The following TCHP variants were observed in gnomAD, a reference collection of about 807,000 sequenced individuals.
The protein encoded by TCHP is trichoplein keratin filament-binding protein.
TCHP carries 81 observed loss-of-function variants against 88.7 expected under a neutral mutation model. That is an observed-to-expected ratio of 0.91 (90% CI 0.76 to 1.10). TCHP has a LOEUF of 1.10. Among genes scored for constraint, TCHP ranks in the 50% least tolerant of loss-of-function variants. The pLI is 0.00. For synonymous variants in TCHP, 232 were observed against 232.5 expected (o/e 1.00, Z 0.02); for missense variants, 641 against 632.1 (o/e 1.01, Z -0.15).
the TCHP span, among the ~76,000 whole-genome samples, chr12:109,893,121 T>A: frequency 4.6e-5 from 7 of 152,322 alleles, no homozygotes; most frequent in South Asian, 8.3e-4. Context: ...GGCTCATGCC[T>A]GTAATCCCAG....
intron 8 of TCHP, among the ~76,000 whole-genome samples, chr12:109,910,178 GTTC>G (rs1362010384): frequency 6.6e-6 from 1 of 152,204 alleles, no homozygotes; most frequent in Non-Finnish European, 1.5e-5. Context: ...GATTGAACCT[GTTC>G]TTTTCAGATA....
chr12:109,887,195 G>T, the TCHP span, among the ~76,000 whole-genome samples: 4 of 152,154 alleles, frequency 2.6e-5, no homozygotes. Context: ...AGGCCAAGGT[G>T]GGTGGATCAC....
chr12:109,900,960 A>T (rs1869754855), intron 1 of TCHP: 1 of 152,282 alleles, frequency 6.6e-6, no homozygotes, highest in Non-Finnish European at 1.5e-5. Flanking sequence ...TGGTGCCTGG[A>T]GTGAGACTGC....
At chr12:109,886,380 G>A in the TCHP span, among the ~76,000 whole-genome samples, 1 of 151,564 alleles carries the variant, frequency 6.6e-6, no homozygotes, top group Non-Finnish European at 1.5e-5. Context: ...TCAGGTGATC[G>A]ACCCACCTCA....
At chr12:109,884,883 T>C in the TCHP span, among the ~76,000 whole-genome samples, 1 of 152,350 alleles carries the variant, frequency 6.6e-6, no homozygotes, top group East Asian at 1.9e-4. Context: ...CATCCATCCA[T>C]GCAGGAAATT....
intron 10 of TCHP, among the ~76,000 whole-genome samples, chr12:109,913,457 T>G (rs1431449820): frequency 6.6e-6 from 1 of 152,222 alleles, no homozygotes; most frequent in African/African-American, 2.4e-5. Flanking sequence ...CTGTCCTCTG[T>G]CACCCGCTGC....
At chr12:109,893,248 G>C in the TCHP span, among the ~76,000 whole-genome samples, 1 of 152,156 alleles carries the variant, frequency 6.6e-6, no homozygotes, top group Non-Finnish European at 1.5e-5. Flanking sequence ...GTGTGGTGGT[G>C]CATGCCTGTA....
intron 1 of TCHP, among the ~76,000 whole-genome samples, chr12:109,902,402 C>T (rs573462770): frequency 6.6e-6 from 1 of 151,376 alleles, no homozygotes; most frequent in East Asian, 1.9e-4. Flanking sequence ...CTCAAGTGAT[C>T]CTCCTGCCTC....
Position 109,908,623 on chromosome 12 carries a change from A to T in TCHP, c.737A>T (p.Lys246Met), listed in dbSNP as rs1293952739. 11 of 1,603,236 alleles carry T rather than the reference A, an allele frequency of 6.9e-6. No homozygotes were observed. The highest frequency in any genetic ancestry group is 8.5e-6 in the Non-Finnish European group (10 of 1,176,188). The change falls in exon 7 of 13, where the codon AAG (lysine) becomes ATG (methionine). Residue 246 changes from lysine (K) to methionine (M), a missense_variant. Transcript: ENST00000405876. ...AAGAAGGAGCAGGAGAATCTGTTGA[A>T]GCAGCGGTGGGAGCTAGAGAGGCTG... The part of the protein sequence containing the change: ...KLKKEQENLL[K>M]QRWELERLEE...
At chr12:109,907,845 T>C (rs1418758898) in intron 6 of TCHP, 146 bp downstream of exon 6, 3 of 824,946 alleles carry the variant, frequency 3.6e-6, no homozygotes, top group Admixed American at 5.8e-5. Context: ...CCCTCTCACA[T>C]GCATCCCCAT....
At chr12:109,901,012 G>A (rs926766500) in intron 1 of TCHP, 1 of 152,248 alleles carries the variant, frequency 6.6e-6, no homozygotes, top group African/African-American at 2.4e-5. Flanking sequence ...ACATTGCTCA[G>A]GCAATTCCTC....
In TCHP at chr12:109,908,610, G is replaced by C. The variant is rs1339284138; in HGVS notation, c.724G>C (p.Glu242Gln). Residue 242 changes from glutamate to glutamine, a missense_variant, in exon 7 of 13, where the codon GAG becomes CAG. Coordinates refer to ENST00000405876, the MANE Select transcript of TCHP (RefSeq NM_001143852.2). ...GGCGACCAAACTAAAGAAGGAGCAG[G>C]AGAATCTGTTGAAGCAGCGGTGGGA... ...VEATKLKKEQ[E>Q]NLLKQRWELE... The C allele has an allele frequency of 6.2e-7, 1 of 1,601,938 alleles. No individual in the cohort carries two copies. Among genetic ancestry groups the C allele is most frequent in the African/African-American group, 1.3e-5 (1 of 74,902 alleles).
chr12:109,911,919 C>T (rs1284859006), intron 9 of TCHP, among the ~76,000 whole-genome samples: 8 of 152,104 alleles, frequency 5.3e-5, no homozygotes, highest in South Asian at 2.1e-4. Flanking sequence ...CCTCAGCCTC[C>T]CGAGTAGCTG....
chr12:109,883,590 T>A, the TCHP span, among the ~76,000 whole-genome samples: 2 of 152,090 alleles, frequency 1.3e-5, no homozygotes, highest in South Asian at 4.1e-4. Flanking sequence ...GAAGCCTCAC[T>A]GCCCCGCCCC....
At position 109,916,604 on chromosome 12, in the gene TCHP, C is replaced by T; in HGVS notation, c.1478C>T (p.Pro493Leu). ...QGYRPKPYGH[P>L]KIAWN is the part of the protein sequence containing the mutation. Reference sequence around the variant, plus strand: ...TTCTTTTCTCAGCCTTACGGACATCCAAAAATTGCTTGGAACTGACTTCAT... The same window carrying T: ...TTCTTTTCTCAGCCTTACGGACATCTAAAAATTGCTTGGAACTGACTTCAT... Residue 493 changes from proline (P) to leucine (L), a missense_variant, in exon 13 of 13, where the codon CCA becomes CTA. Physicochemically the swap from Pro to Leu is moderately conservative, Grantham distance 98. Transcript: ENST00000405876. 6.2e-7 allele frequency: 1 copy of T among 1,613,418 alleles called. No homozygotes were observed. Among genetic ancestry groups the T allele is most frequent in the Non-Finnish European group, 8.5e-7 (1 of 1,179,782 alleles).
At position 109,913,429 on chromosome 12, in the gene TCHP, CAG is replaced by C. The variant is rs774103917; in HGVS notation, c.1134+358_1134+359del. On this transcript the variant is annotated intron_variant, in intron 10 of 12. Coordinates refer to ENST00000405876, the MANE Select transcript of TCHP (RefSeq NM_001143852.2). The stretch of plus-strand genomic sequence containing the variant: ...TGTTACATCTTTATAAACGGCATGT[CAG>C]GGGCTGTATCACGGACTGTCCTCTG... Among the ~76,000 whole-genome samples, 23 of 152,302 alleles carry C rather than the reference CAG, an allele frequency of 1.5e-4. No individual in the cohort carries two copies. In the Middle Eastern group the frequency reaches 0.017, roughly 113 times the overall value.
the TCHP span, among the ~76,000 whole-genome samples, chr12:109,894,765 C>CAA: frequency 0.12 from 8,937 of 73,698 alleles, 304 homozygotes; most frequent in African/African-American, 0.18. Context: ...AACTCTGTCC[C>CAA]AAAAAAAAAA....
At chr12:109,896,308 G>A (rs929993811), upstream of TCHP, among the ~76,000 whole-genome samples, 1 of 152,198 alleles carries the variant, frequency 6.6e-6, no homozygotes, top group African/African-American at 2.4e-5. Flanking sequence ...ACACTGAAGA[G>A]GGATTCACAG....
Position 109,913,081 on chromosome 12 carries a change from A to T in TCHP, c.1134+9A>T. The T allele has an allele frequency of 1.9e-6, 3 of 1,613,660 alleles. No homozygotes were observed. Among genetic ancestry groups the T allele is most frequent in the Non-Finnish European group, 2.5e-6 (3 of 1,179,934 alleles). On this transcript the variant is annotated intron_variant, in intron 10 of 12. Transcript: ENST00000405876. The stretch of plus-strand genomic sequence containing the variant: ...ACAGACTGATGAGCGAGGTAATCCC[A>T]GCTGCGGCGATGTGGACCGGCTGTT...
Sources: allele counts gnomAD v4.1 joint callset (sites outside exome capture counted in the v4.1 genomes callset), GRCh38; gene constraint gnomAD v4.1.1; transcripts MANE v1.5; gene names NCBI Gene and HGNC (gene_info 2026-07-23, HGNC 2026-07-21).